RPP30: variants seen among roughly 807,000 people sequenced by gnomAD.
The protein encoded by RPP30 is ribonuclease P/MRP subunit p30, also known as ribonuclease P protein subunit p30.
In RPP30, 36 loss-of-function variants were observed where a neutral mutation model predicts 38.6. The ratio of observed to expected loss-of-function variants is 0.93; its 90% confidence interval spans 0.71 to 1.23. The LOEUF (loss-of-function observed/expected upper bound fraction) is 1.23, where lower values mean the gene tolerates loss of function less well. RPP30 is among the 50% of genes most tolerant of loss of function. RPP30 has a pLI of 0.00. For synonymous variants in RPP30, 126 were observed against 112.7 expected, an observed-to-expected ratio of 1.12 and a Z score of -0.75; for missense variants, 321 against 321.7, an observed-to-expected ratio of 1.00 and a Z score of 0.02.
intron 1 of RPP30, 181 bp downstream of exon 1, chr10:90,872,249 C>T (rs768484418): frequency 6.5e-6 from 4 of 614,714 alleles, no homozygotes; most frequent in Non-Finnish European, 1.2e-5. Flanking sequence ...CTCGAAGGTT[C>T]TGGGGGTTGT....
intron 10 of RPP30, among the ~76,000 whole-genome samples, chr10:90,898,490 T>G (rs1048143265): frequency 6.6e-6 from 1 of 152,140 alleles, no homozygotes; most frequent in African/African-American, 2.4e-5. Context: ...ACAAGGAAAT[T>G]CAAAGCCTCG....
chr10:90,885,979 T>C (rs1026588001), intron 6 of RPP30, 78 bp downstream of exon 6: 6 of 958,868 alleles, frequency 6.3e-6, no homozygotes, highest in Non-Finnish European at 9.4e-6. Context: ...AAGAAATCAG[T>C]GTTCTTAGAA....
At chr10:90,876,259 A>G (rs1160863888) in intron 4 of RPP30, among the ~76,000 whole-genome samples, 161 bp downstream of exon 4, 1 of 152,170 alleles carries the variant, frequency 6.6e-6, no homozygotes, top group African/African-American at 2.4e-5. Flanking sequence ...ACACAGTGTA[A>G]TATGTCTGTT....
At chr10:90,893,783 T>C (rs1847108414) in intron 6 of RPP30, among the ~76,000 whole-genome samples, 1 of 152,210 alleles carries the variant, frequency 6.6e-6, no homozygotes, top group Non-Finnish European at 1.5e-5. Flanking sequence ...AAGTTTTGTA[T>C]TTTTGTGTGG....
chr10:90,882,863 G>A (rs776397567), intron 5 of RPP30, among the ~76,000 whole-genome samples: 13 of 152,204 alleles, frequency 8.5e-5, no homozygotes, highest in Non-Finnish European at 1.3e-4. Flanking sequence ...TGAAATTCAT[G>A]CCTTTCCTTT....
intron 5 of RPP30, among the ~76,000 whole-genome samples, chr10:90,882,161 C>G (rs1025050903): frequency 6.6e-6 from 1 of 152,042 alleles, no homozygotes; most frequent in Non-Finnish European, 1.5e-5. Flanking sequence ...TTAATTATTC[C>G]CATTTAGGAT....
rs778974767 is a variant in RPP30 at position 90,885,862 on chromosome 10, G to T, written c.393G>T (p.Glu131Asp). The T allele has an allele frequency of 3.1e-6, 5 of 1,610,590 alleles. No individual in the cohort carries two copies. The East Asian group carries it at 1.1e-4, about 36-fold the overall frequency. ...ATTTAGTCTGCATAACTGTAACAGA[G>T]AAACTACCATTTTACTTCAAAAGAC... ...DVDLVCITVT[E>D]KLPFYFKRPP... is the part of the protein sequence containing the mutation. The change falls in exon 6 of 11, where the codon GAG (glutamate) becomes GAT (aspartate). Residue 131 changes from glutamate to aspartate, a missense_variant. Transcript: ENST00000371703.
intron 8 of RPP30, 117 bp downstream of exon 8, chr10:90,895,600 GCAT>G: frequency 3.2e-6 from 2 of 627,666 alleles, no homozygotes. Context: ...TATTTTAACT[GCAT>G]TTGCTCATTG....
At chr10:90,905,850 G>A (rs866368925), downstream of RPP30, 1 of 152,178 alleles carries the variant, frequency 6.6e-6, no homozygotes, top group Admixed American at 6.5e-5. Flanking sequence ...ATTATAAAGG[G>A]TGGATGGATA....
intron 8 of RPP30, 59 bp downstream of exon 8, chr10:90,895,542 C>A: frequency 2.0e-6 from 2 of 976,664 alleles, no homozygotes; most frequent in Non-Finnish European, 2.8e-6. Context: ...TTTTCAGTTT[C>A]TAGGGGATAA....
chr10:90,897,984 T>A (rs546534507), intron 10 of RPP30, among the ~76,000 whole-genome samples: 1 of 152,242 alleles, frequency 6.6e-6, no homozygotes, highest in South Asian at 2.1e-4. Flanking sequence ...TAAATTGTAT[T>A]GACTATGGTC....
chr10:90,892,504 C>A (rs570052840), intron 6 of RPP30, among the ~76,000 whole-genome samples: 6 of 152,110 alleles, frequency 3.9e-5, no homozygotes, highest in Non-Finnish European at 8.8e-5. Flanking sequence ...CCCCTCCCCC[C>A]GCAAAAGTTG....
chr10:90,902,193 A>G (rs1847212054), downstream of RPP30: 9 of 849,398 alleles, frequency 1.1e-5, no homozygotes, highest in Non-Finnish European at 1.3e-5. Context: ...TTAAAAGTGC[A>G]TCATGACCAG....
chr10:90,896,353 G>C lies in RPP30; in HGVS notation c.658G>C (p.Ala220Pro). The C allele has an allele frequency of 6.2e-7, 1 of 1,614,154 alleles. No homozygotes were observed. Residue 220 changes from alanine to proline, a missense_variant, in exon 10 of 11, where the codon GCG (alanine) becomes CCG (proline). Ala to Pro is a conservative substitution (Grantham distance 27). Transcript: ENST00000371703. ...GCTCTCTGAAAGTGACGCCAAGGCT[G>C]CGGTGTCCACCAACTGCCGAGCAGC... ...FGLSESDAKAAVSTNCRAALL... is the reference protein window; with the variant it reads ...FGLSESDAKAPVSTNCRAALL...
rs1246655909 is a variant in RPP30, at chr10:90,879,046, T to G, written c.271-17T>G. 1.9e-6 allele frequency: 3 copies of G among 1,608,678 alleles called. No individual in the cohort carries two copies. The highest frequency in any genetic ancestry group is 2.6e-6 in the Non-Finnish European group (3 of 1,176,172). On this transcript the variant is annotated splice_polypyrimidine_tract_variant and intron_variant, in intron 4 of 10. Coordinates refer to ENST00000371703, the MANE Select transcript of RPP30 (RefSeq NM_006413.5). ...GGATTTTGTTATTGTATGATAACAT[T>G]CTTTTTGTATTCCTAGAGAGCAACT... is the stretch of plus-strand genomic sequence containing the variant.
At position 90,889,169 on chromosome 10, in the gene RPP30, A is replaced by G. The variant is rs552647251; in HGVS notation, c.432+3268A>G. ...TCTGGCTGTGGAGCTGTTTGTCTAC[A>G]TAAAGTATGGAAATGTATACATTGT... On this transcript the variant is annotated intron_variant, in intron 6 of 10. Coordinates refer to ENST00000371703, the MANE Select transcript of RPP30 (RefSeq NM_006413.5). Among the ~76,000 whole-genome samples the G allele has an allele frequency of 2.6e-5, 4 of 152,286 alleles. No homozygotes were observed. In the East Asian group the frequency reaches 5.8e-4, roughly 22 times the overall value.
chr10:90,902,673 A>G (rs983110537), downstream of RPP30, among the ~76,000 whole-genome samples: 6 of 152,258 alleles, frequency 3.9e-5, no homozygotes, highest in Non-Finnish European at 8.8e-5. Flanking sequence ...AACCCATGGC[A>G]AAATTAAAGT....
intron 6 of RPP30, 78 bp from the exon 7 acceptor site, chr10:90,894,697 A>G: frequency 3.1e-6 from 3 of 978,380 alleles, no homozygotes; most frequent in Non-Finnish European, 4.9e-6. Context: ...GTGAGGAGGG[A>G]TGTGAAGAGA....
rs375149742 is a variant in RPP30 at position 90,885,793 on chromosome 10, A to G, written c.343-19A>G. On this transcript the variant is annotated intron_variant, in intron 5 of 10. Transcript: ENST00000371703. ...GCCAATTTTCCTTTTGGCCTTACCT[A>G]TTTTTTTCTTCTTTACAGATTGCTT... 34 of 1,577,316 alleles carry G rather than the reference A, an allele frequency of 2.2e-5. No homozygotes were observed. The highest frequency in any genetic ancestry group is 5.1e-5 in the Admixed American group (3 of 59,052).
Sources: allele counts gnomAD v4.1 joint callset (sites outside exome capture counted in the v4.1 genomes callset), GRCh38; gene constraint gnomAD v4.1.1; transcripts MANE v1.5; gene names NCBI Gene and HGNC (gene_info 2026-07-23, HGNC 2026-07-21).